IGF2BP1: variants seen among roughly 807,000 people sequenced by gnomAD.
IGF2BP1 encodes insulin like growth factor 2 mRNA binding protein 1, also known as insulin-like growth factor 2 mRNA-binding protein 1.
IGF2BP1 carries 11 observed loss-of-function variants against 74.9 expected under a neutral mutation model. The ratio of observed to expected loss-of-function variants is 0.15; its 90% confidence interval spans 0.09 to 0.24. IGF2BP1 has a LOEUF of 0.24. IGF2BP1 is among the 10% of genes least tolerant of loss of function. The probability of loss-of-function intolerance (pLI) is 1.00; values close to 1 mark genes in which losing one functional copy is unlikely to be tolerated. For missense variants in IGF2BP1, 440 were observed against 757.4 expected, an observed-to-expected ratio of 0.58 and a Z score of 4.92; for synonymous variants, 287 against 281.8, an observed-to-expected ratio of 1.02 and a Z score of -0.18.
chr17:49,042,179 G>A, intron 8 of IGF2BP1, 63 bp from the exon 9 acceptor site: 5 of 1,606,100 alleles, frequency 3.1e-6, no homozygotes, highest in Non-Finnish European at 4.2e-6. Flanking sequence ...TCTCGTCTTT[G>A]TTACTGCCGG....
rs2143894489 is a variant in IGF2BP1 at position 48,997,919 on chromosome 17, C to T, written c.174C>T (p.Ser58=). ...HWAMKAIETF[S]GKVELQGKRL... is the part of the protein sequence containing the mutation. ...CGATGAAGGCCATCGAAACTTTCTC[C>T]GGTAAGAACACAGCCACCTCCCGGA... The change falls in exon 1 of 15, where the codon TCC becomes TCT. Residue 58 remains serine (S), a splice_region_variant and synonymous_variant. Transcript: ENST00000290341. This position sits in a 1 kb window ranked among gnomAD's most constrained non-coding sequence, Gnocchi z 4.8. The T allele has an allele frequency of 2.5e-6, 4 of 1,613,450 alleles. No homozygotes were observed. In the South Asian group the frequency reaches 3.3e-5, roughly 13 times the overall value.
At chr17:49,024,913 C>T (rs901967686) in intron 2 of IGF2BP1, among the ~76,000 whole-genome samples, 8 of 152,102 alleles carry the variant, frequency 5.3e-5, no homozygotes, top group African/African-American at 9.7e-5. Context: ...TGTCTTGGGC[C>T]GGGTGTTGTG....
intron 14 of IGF2BP1, among the ~76,000 whole-genome samples, chr17:49,048,532 C>T (rs2042131342): frequency 6.6e-6 from 1 of 152,160 alleles, no homozygotes; most frequent in South Asian, 2.1e-4. Context: ...GGATTACAGG[C>T]ATGAGCCACC....
At chr17:49,025,803 CT>C (rs1567818449) in intron 3 of IGF2BP1, 137 bp downstream of exon 3, 2 of 542,106 alleles carry the variant, frequency 3.7e-6, no homozygotes, top group Non-Finnish European at 3.3e-6. Context: ...TCCTTTCTTT[CT>C]TTTTTTCTTT....
At chr17:49,006,584 T>C (rs2041553554) in intron 2 of IGF2BP1, among the ~76,000 whole-genome samples, 1 of 152,236 alleles carries the variant, frequency 6.6e-6, no homozygotes, top group Non-Finnish European at 1.5e-5. Context: ...CTGCCCCATA[T>C]AGCTGTGGTT....
intron 2 of IGF2BP1, among the ~76,000 whole-genome samples, chr17:49,017,283 C>T (rs995165109): frequency 6.6e-6 from 1 of 152,116 alleles, no homozygotes; most frequent in East Asian, 1.9e-4. Flanking sequence ...CCAAACCAAA[C>T]CAGACCAAAT....
At chr17:49,042,402 C>G in intron 9 of IGF2BP1, 25 bp downstream of exon 9, 1 of 1,613,836 alleles carries the variant, frequency 6.2e-7, no homozygotes, top group Non-Finnish European at 8.5e-7. Flanking sequence ...GTACCCTCTG[C>G]TTATCCTTTC....
chr17:48,998,298 CG>C (rs2041434581), intron 1 of IGF2BP1, among the ~76,000 whole-genome samples: 1 of 152,302 alleles, frequency 6.6e-6, no homozygotes, highest in South Asian at 2.1e-4. Context: ...CGCCGGTGGA[CG>C]CCCCCCCAGC....
At chr17:49,009,569 C>T (rs943491320) in intron 2 of IGF2BP1, among the ~76,000 whole-genome samples, 9 of 151,266 alleles carry the variant, frequency 5.9e-5, no homozygotes, top group Non-Finnish European at 1.0e-4. Flanking sequence ...ATTAGCCGAG[C>T]GTGGTAGTGC....
rs3744085 is a variant in IGF2BP1 at position 49,054,539 on chromosome 17, A to G, written c.*5095A>G. On this transcript the variant is annotated 3_prime_UTR_variant, in exon 15 of 15. Coordinates refer to ENST00000290341, the MANE Select transcript of IGF2BP1 (RefSeq NM_006546.4). ...ATCGATTGGGCTGGGAGGGCTGGCC[A>G]TGAGGTCCCCACTTTCTGCTTTCCT... 86,787 of 152,290 alleles carry G rather than the reference A, an allele frequency of 0.57. 26,376 individuals carry two copies. The highest frequency in any genetic ancestry group is 0.78 in the African/African-American group (32,343 of 41,502). 9.4% of individuals were successfully genotyped at this position (152,290 alleles called of 1,614,324 possible).
intron 6 of IGF2BP1, among the ~76,000 whole-genome samples, chr17:49,039,023 G>A (rs568165386): frequency 2.2e-4 from 33 of 151,624 alleles, no homozygotes; most frequent in Admixed American, 1.5e-3. Context: ...GATTACAGGC[G>A]CGTGCCACCA....
intron 12 of IGF2BP1, 88 bp downstream of exon 12, chr17:49,045,153 T>A: frequency 9.0e-7 from 1 of 1,115,608 alleles, no homozygotes; most frequent in Non-Finnish European, 1.4e-6. Context: ...TGGGTCAGTT[T>A]CCCGTTAGCT....
At position 49,054,756 on chromosome 17, in the gene IGF2BP1, A is replaced by T. The variant is rs934112267; in HGVS notation, c.*5312A>T. The T allele has an allele frequency of 2.0e-5, 3 of 151,930 alleles. No individual in the cohort carries two copies. Among genetic ancestry groups the T allele is most frequent in the African/African-American group, 7.3e-5 (3 of 41,322 alleles). 9.4% of individuals were successfully genotyped at this position (151,930 alleles called of 1,614,324 possible). On this transcript the variant is annotated 3_prime_UTR_variant, in exon 15 of 15. Transcript: ENST00000290341. ...GAAGCCTGGGGAAACCAGAGCTGAG[A>T]CCTCTTCAACAGGGTTTCTTTGAGA...
intron 3 of IGF2BP1, among the ~76,000 whole-genome samples, chr17:49,026,209 A>G (rs2144053204): frequency 6.6e-6 from 1 of 152,276 alleles, no homozygotes; most frequent in African/African-American, 2.4e-5. Flanking sequence ...GTAATATGGC[A>G]GAAGATAATT....
chr17:49,039,337 C>G (rs2042023737), intron 6 of IGF2BP1, among the ~76,000 whole-genome samples: 2 of 152,156 alleles, frequency 1.3e-5, no homozygotes, highest in South Asian at 4.1e-4. Context: ...AGCGGAAATG[C>G]AGCTTTGGAG....
chr17:49,025,803 C>A, intron 3 of IGF2BP1, 137 bp downstream of exon 3: 1 of 542,114 alleles, frequency 1.8e-6, no homozygotes, highest in Non-Finnish European at 3.3e-6. Context: ...TCCTTTCTTT[C>A]TTTTTTTCTT....
intron 2 of IGF2BP1, among the ~76,000 whole-genome samples, chr17:49,004,195 C>G (rs1188575337): frequency 6.6e-6 from 1 of 152,216 alleles, no homozygotes; most frequent in Non-Finnish European, 1.5e-5. Flanking sequence ...CTTCCCCTCT[C>G]AGATCCCTGA....
rs1476247700 is a variant in IGF2BP1, at chr17:49,039,950, C to A, written c.684-7C>A. 1 of 1,611,596 alleles carries A rather than the reference C, an allele frequency of 6.2e-7. No individual in the cohort carries two copies. The highest frequency in any genetic ancestry group is 8.5e-7 in the Non-Finnish European group (1 of 1,179,664). On this transcript the variant is annotated splice_region_variant and splice_polypyrimidine_tract_variant and intron_variant, in intron 6 of 14. Coordinates refer to ENST00000290341, the MANE Select transcript of IGF2BP1 (RefSeq NM_006546.4). ...CAACTAACCAGCCTTGTCCTTGTGG[C>A]CCCCAGGATAGACGTGCATAGGAAG...
intron 14 of IGF2BP1, 69 bp downstream of exon 14, chr17:49,046,442 T>C: frequency 8.3e-7 from 1 of 1,197,774 alleles, no homozygotes; most frequent in Non-Finnish European, 1.2e-6. Flanking sequence ...AGAGACTCTA[T>C]AGAGGTTGAC....
Sources: allele counts gnomAD v4.1 joint callset (sites outside exome capture counted in the v4.1 genomes callset), GRCh38; gene constraint gnomAD v4.1.1; non-coding constraint Gnocchi (gnomAD v3.1); transcripts MANE v1.5; gene names NCBI Gene and HGNC (gene_info 2026-07-23, HGNC 2026-07-21).